SYNE1: variants seen among roughly 807,000 people sequenced by gnomAD.
SYNE1 encodes the protein spectrin repeat containing nuclear envelope protein 1, also known as nesprin-1.
Under a neutral mutation model 1,111.0 loss-of-function variants are expected in SYNE1, and 616 were observed. That is an observed-to-expected ratio of 0.55 (90% CI 0.52 to 0.59). The LOEUF (loss-of-function observed/expected upper bound fraction) is 0.59. Among genes scored for constraint, SYNE1 ranks in the 20% least tolerant of loss-of-function variants. SYNE1 has a pLI of 0.00. For synonymous variants in SYNE1, 3,855 were observed against 3,825.8 expected, an observed-to-expected ratio of 1.01 and a Z score of -0.28; for missense variants, 10,006 against 10,417.0, an observed-to-expected ratio of 0.96 and a Z score of 1.72.
At chr6:152,167,725 TAA>T (rs1265023345) in intron 130 of SYNE1, 1 of 534,568 alleles carries the variant, frequency 1.9e-6, no homozygotes, top group Non-Finnish European at 3.8e-6. Context: ...CAGCTAAGGC[TAA>T]ATTTCAGTTT....
Position 152,479,846 on chromosome 6 carries a change from G to A in SYNE1, c.1350+3239C>T, listed in dbSNP as rs909948939. Among the ~76,000 whole-genome samples, 3 of 152,086 alleles carry A rather than the reference G, an allele frequency of 2.0e-5. No individual in the cohort carries two copies. The East Asian group carries it at 5.8e-4, about 29-fold the overall frequency. On this transcript the variant is annotated intron_variant, in intron 14 of 145. Coordinates refer to ENST00000367255, the MANE Select transcript of SYNE1 (RefSeq NM_182961.4). ...TCAGAAATAGTAAAACAAAACCACT[G>A]GCAGAACCATTCACAAAGTGAACTC... is the stretch of plus-strand genomic sequence containing the variant.
At position 152,152,157 on chromosome 6, in the gene SYNE1, A is replaced by G. The variant is rs1439680530; in HGVS notation, c.24130-16T>C. ...GCTGGAAAGCCTAAGGCCACAGAGAAGCATATCAGTGTGAGAAATCAGCGA... is the reference window on the plus strand; with the variant it reads ...GCTGGAAAGCCTAAGGCCACAGAGAGGCATATCAGTGTGAGAAATCAGCGA... On this transcript the variant is annotated splice_polypyrimidine_tract_variant and intron_variant, in intron 133 of 145. Coordinates refer to ENST00000367255, the MANE Select transcript of SYNE1 (RefSeq NM_182961.4). 1 of 1,612,982 alleles carries G rather than the reference A, an allele frequency of 6.2e-7. No homozygotes were observed. Among genetic ancestry groups the G allele is most frequent in the South Asian group, 1.1e-5 (1 of 91,072 alleles).
intron 135 of SYNE1, among the ~76,000 whole-genome samples, chr6:152,150,443 A>G (rs1157891524): frequency 1.3e-5 from 2 of 152,196 alleles, no homozygotes; most frequent in Admixed American, 6.5e-5. Flanking sequence ...GAAGGATGTA[A>G]ATGTTGATTC....
At chr6:152,599,854 A>G (rs2099591939) in intron 3 of SYNE1, among the ~76,000 whole-genome samples, 1 of 152,220 alleles carries the variant, frequency 6.6e-6, no homozygotes, top group Non-Finnish European at 1.5e-5. Flanking sequence ...ACACTCTAAC[A>G]AGGTGCTACA....
intron 64 of SYNE1, 43 bp from the exon 65 acceptor site, chr6:152,359,501 A>G (rs754284723): frequency 1.2e-6 from 2 of 1,612,990 alleles, no homozygotes; most frequent in South Asian, 1.1e-5. Context: ...TTCATGCACC[A>G]TCACATCAAC....
intron 69 of SYNE1, 100 bp downstream of exon 69, chr6:152,353,163 T>C (rs2154043351): frequency 6.8e-7 from 1 of 1,460,588 alleles, no homozygotes. Context: ...CCAATCATAA[T>C]GGTTGGGATG....
At chr6:152,572,122 C>T (rs984321975) in intron 3 of SYNE1, among the ~76,000 whole-genome samples, 1 of 152,154 alleles carries the variant, frequency 6.6e-6, no homozygotes, top group African/African-American at 2.4e-5. Context: ...ATAATGCCTA[C>T]ATCTTTAATG....
chr6:152,618,787 G>GCAGT (rs2099668115), intron 3 of SYNE1, among the ~76,000 whole-genome samples: 2 of 152,116 alleles, frequency 1.3e-5, no homozygotes, highest in South Asian at 4.2e-4. Flanking sequence ...TCTGTCTGGG[G>GCAGT]CAGTCACCAA....
At position 152,330,041 on chromosome 6, in the gene SYNE1, G is replaced by A. The variant is rs375077588; in HGVS notation, c.14644C>T (p.Arg4882Ter). The change falls in exon 78 of 146, where the codon CGA (arginine) becomes TGA (stop). Residue 4882 changes from arginine (R) to a stop codon, truncating the protein, a stop_gained. Coordinates refer to ENST00000367255, the MANE Select transcript of SYNE1 (RefSeq NM_182961.4). LOFTEE classifies it high-confidence loss of function. ...IGETVTECESRMVQSIDFQTE... is the reference protein window; with the variant it reads ...IGETVTECES ...TGGAAGTCTATACTCTGCACCATTC[G>A]GCTCTCACATTCTGTCACCGTCTCA... The A allele has an allele frequency of 1.4e-5, 23 of 1,613,992 alleles. No homozygotes were observed. Among genetic ancestry groups the A allele is most frequent in the East Asian group, 2.2e-5 (1 of 44,894 alleles).
intron 126 of SYNE1, among the ~76,000 whole-genome samples, chr6:152,205,950 G>T (rs1321476691): frequency 6.6e-6 from 1 of 152,198 alleles, no homozygotes; most frequent in Non-Finnish European, 1.5e-5. Context: ...ACTTTACTTT[G>T]TTGGGAGGTT....
chr6:152,462,990 G>T (rs555391123), intron 19 of SYNE1, 100 bp from the exon 20 acceptor site: 4 of 1,388,242 alleles, frequency 2.9e-6, no homozygotes, highest in East Asian at 2.3e-5. Flanking sequence ...ATTGTTATCC[G>T]GTAAGAAAGA....
At chr6:152,417,115 A>G (rs1206674485) in intron 40 of SYNE1, 100 bp from the exon 41 acceptor site, 1 of 1,530,762 alleles carries the variant, frequency 6.5e-7, no homozygotes, top group Non-Finnish European at 8.9e-7. Flanking sequence ...TTTAGGTGCC[A>G]TGGATAGTAT....
rs906227327 is a variant in SYNE1, at chr6:152,458,948, C to A, written c.2395-18G>T. The A allele has an allele frequency of 6.2e-7, 1 of 1,613,074 alleles. No individual in the cohort carries two copies. The highest frequency in any genetic ancestry group is 1.3e-5 in the African/African-American group (1 of 74,994). ...TCTTTGACCTTTAAAAACATAAAGA[C>A]AAAAATTCCATGAAAGACCATTAAG... On this transcript the variant is annotated intron_variant, in intron 21 of 145. Coordinates refer to ENST00000367255, the MANE Select transcript of SYNE1 (RefSeq NM_182961.4).
At chr6:152,478,404 A>T (rs1049466687) in intron 14 of SYNE1, 1 of 152,264 alleles carries the variant, frequency 6.6e-6, no homozygotes, top group Admixed American at 6.5e-5. Flanking sequence ...TCCAACAAAG[A>T]AAGAAAGAGA....
chr6:152,414,240 C>CA (rs1398434435), intron 41 of SYNE1, among the ~76,000 whole-genome samples: 1 of 151,460 alleles, frequency 6.6e-6, no homozygotes, highest in African/African-American at 2.4e-5. Context: ...CCTATTTCTA[C>CA]AAAAAATTAA....
chr6:152,611,015 C>A (rs1218644006), intron 3 of SYNE1, among the ~76,000 whole-genome samples: 1 of 152,164 alleles, frequency 6.6e-6, no homozygotes, highest in Non-Finnish European at 1.5e-5. Flanking sequence ...TGGAAAGAAA[C>A]AATCGCTACC....
At position 152,362,228 on chromosome 6, in the gene SYNE1, T is replaced by G. The variant is rs2096944211; in HGVS notation, c.10241A>C (p.Glu3414Ala). The change falls in exon 64 of 146, where the codon GAA becomes GCA. Residue 3414 changes from glutamate to alanine, a missense_variant. Around this residue, in one of 7 missense-constraint regions of SYNE1, gnomAD observed 4,955 missense variants for 5,017.2 expected, o/e 0.99. Coordinates refer to ENST00000367255, the MANE Select transcript of SYNE1 (RefSeq NM_182961.4). ...WMDSMEANLNESERQHAELRD... is the reference protein window; with the variant it reads ...WMDSMEANLNASERQHAELRD... Reference sequence around the variant, plus strand: ...CAGCTCCGCATGCTGCCTTTCTGATTCATTCAGGTTGGCTTCCATACTATC... The same window carrying G: ...CAGCTCCGCATGCTGCCTTTCTGATGCATTCAGGTTGGCTTCCATACTATC... 6.2e-7 allele frequency: 1 copy of G among 1,614,106 alleles called. No homozygotes were observed. The highest frequency in any genetic ancestry group is 1.3e-5 in the African/African-American group (1 of 74,930).
intron 104 of SYNE1, 147 bp from the exon 105 acceptor site, chr6:152,249,409 G>A: frequency 1.5e-6 from 1 of 685,018 alleles, no homozygotes; most frequent in African/African-American, 1.8e-5. Context: ...GAAGGTAAAA[G>A]GAACTGGTAA....
Position 152,331,644 on chromosome 6 carries a change from A to G in SYNE1, c.13041T>C (p.Asn4347=). The part of the protein sequence containing the change: ...QVSVTNLEEL[N]VVQSRFQELM... Reference sequence around the variant, plus strand: ...GCTCCTGAAATCTGGACTGCACCACATTTAACTCCTCCAAGTTGGTGACTG... The same window carrying G: ...GCTCCTGAAATCTGGACTGCACCACGTTTAACTCCTCCAAGTTGGTGACTG... Residue 4347 remains asparagine, a synonymous_variant, in exon 78 of 146, where the codon AAT becomes AAC. Transcript: ENST00000367255. The G allele has an allele frequency of 1.2e-6, 2 of 1,614,136 alleles. No individual in the cohort carries two copies. Among genetic ancestry groups the G allele is most frequent in the Non-Finnish European group, 1.7e-6 (2 of 1,180,018 alleles).
Sources: gnomAD v4.1 joint callset for allele counts (sites outside exome capture counted in the v4.1 genomes callset) on GRCh38, gnomAD v4.1.1 for gene constraint, gnomAD v4.1.1 regional missense constraint, MANE v1.5 for transcripts, NCBI Gene and HGNC (gene_info 2026-07-23, HGNC 2026-07-21) for gene names.